PHF19: variants seen among roughly 807,000 people sequenced by gnomAD.
PHF19 encodes PHD finger protein 19.
In PHF19, 21 loss-of-function variants were observed where a neutral mutation model predicts 79.8. That is an observed-to-expected ratio of 0.26 (90% CI 0.19 to 0.38). PHF19 has a LOEUF of 0.38. Among genes scored for constraint, PHF19 ranks in the 10% least tolerant of loss-of-function variants. The pLI is 1.00. For missense variants in PHF19, 445 were observed against 744.2 expected (o/e 0.60, Z 4.68); for synonymous variants, 273 against 296.3 (o/e 0.92, Z 0.81).
rs1171307262 is a variant in PHF19, at chr9:120,857,997, G to A, written c.1690C>T (p.Pro564Ser). The change falls in exon 15 of 15, where the codon CCT (proline) becomes TCT (serine). Residue 564 changes from proline to serine, a missense_variant. Transcript: ENST00000373896. ...KYQVLARRVT[P>S]EGKVQYLVEW... is the part of the protein sequence containing the mutation. Reference sequence around the variant, plus strand: ...ACCAGGTACTGAACCTTGCCCTCAGGTGTGACCCTCCGAGCCAACACCTGG... The same window carrying A: ...ACCAGGTACTGAACCTTGCCCTCAGATGTGACCCTCCGAGCCAACACCTGG... The A allele has an allele frequency of 6.2e-7, 1 of 1,613,776 alleles. No homozygotes were observed. Among genetic ancestry groups the A allele is most frequent in the East Asian group, 2.2e-5 (1 of 44,900 alleles).
chr9:120,864,030 C>A lies in PHF19; in HGVS notation c.968+19G>T. ...CCTGTAGAGGGCCCCACCACACTCC[C>A]TCCCCTCCCTGCACGCACCGGCTTT... On this transcript the variant is annotated intron_variant, in intron 10 of 14. Transcript: ENST00000373896. 6.2e-7 allele frequency: 1 copy of A among 1,607,446 alleles called. No homozygotes were observed. Among genetic ancestry groups the A allele is most frequent in the Non-Finnish European group, 8.5e-7 (1 of 1,175,274 alleles).
chr9:120,894,701 A>C (rs901714879), intron 1 of PHF19: 7 of 528,094 alleles, frequency 1.3e-5, no homozygotes, highest in African/African-American at 1.0e-4. Context: ...TGCGTTCCAT[A>C]TGGCGGCGGC....
At chr9:120,902,226 C>T in the PHF19 span, among the ~76,000 whole-genome samples, 2 of 152,114 alleles carry the variant, frequency 1.3e-5, no homozygotes, top group Non-Finnish European at 2.9e-5. Context: ...TTATCACTTA[C>T]GGGGGTGAGA....
upstream of PHF19, among the ~76,000 whole-genome samples, chr9:120,880,249 C>T (rs1262968177): frequency 1.3e-5 from 2 of 152,230 alleles, no homozygotes; most frequent in East Asian, 3.8e-4. Context: ...AATCCCAGCA[C>T]TTTGGGAGGC....
At chr9:120,900,424 A>T in the PHF19 span, among the ~76,000 whole-genome samples, 1 of 152,240 alleles carries the variant, frequency 6.6e-6, no homozygotes, top group Non-Finnish European at 1.5e-5. Context: ...TTAAAAGTCA[A>T]TCTACATGTA....
At position 120,891,072 on chromosome 9, in the gene PHF19, T is replaced by G. The variant is rs539299246; in HGVS notation, c.42+3716A>C. ...TTTTCCTTCCCCTTCGTCATGTGGCTGGATGGTCCTTATTCCCAAAACTCA... is the reference window on the plus strand; with the variant it reads ...TTTTCCTTCCCCTTCGTCATGTGGCGGGATGGTCCTTATTCCCAAAACTCA... On this transcript the variant is annotated intron_variant, in intron 1 of 14. Coordinates refer to the PHF19 transcript ENST00000616568. This position sits in a 1 kb window ranked among gnomAD's most constrained non-coding sequence, Gnocchi z 4.3. 4.6e-5 allele frequency among the ~76,000 whole-genome samples: 7 copies of G among 152,294 alleles called. No individual in the cohort carries two copies. The South Asian group carries it at 1.5e-3, about 32-fold the overall frequency.
Position 120,862,133 on chromosome 9 carries a change from C to T in PHF19, c.1131-128G>A. 2 of 741,036 alleles carry T rather than the reference C, an allele frequency of 2.7e-6. No individual in the cohort carries two copies. Among genetic ancestry groups the T allele is most frequent in the Non-Finnish European group, 4.9e-6 (2 of 408,064 alleles). 45.9% of individuals were successfully genotyped at this position (741,036 alleles called of 1,614,324 possible). A position where few individuals can be genotyped will look rare whatever the true frequency, so the allele number is the denominator to read the frequency against. ...AGACAGGCTCTGAACACAGCTGCAC[C>T]TTCACAGGGAGGCCTGGGGAGGAGG... is the stretch of plus-strand genomic sequence containing the variant. On this transcript the variant is annotated intron_variant, in intron 11 of 14. Transcript: ENST00000373896. The surrounding 1 kb of genome is among the most constrained non-coding windows in gnomAD (Gnocchi z 4.6).
In PHF19 at chr9:120,871,259, G is replaced by A. The variant is rs570789705; in HGVS notation, c.269-721C>T. Among the ~76,000 whole-genome samples, 21 of 152,196 alleles carry A rather than the reference G, an allele frequency of 1.4e-4. No homozygotes were observed. The South Asian group carries it at 3.3e-3, about 24-fold the overall frequency. On this transcript the variant is annotated intron_variant, in intron 3 of 14. Coordinates refer to ENST00000373896, the MANE Select transcript of PHF19 (RefSeq NM_015651.3). ...CACTTATGAACTCATGGCCAATCTC[G>A]TTTCTACTATATTCCCACCTACTTC...
chr9:120,864,503 A>G (rs2045636554), intron 9 of PHF19, among the ~76,000 whole-genome samples: 1 of 152,234 alleles, frequency 6.6e-6, no homozygotes. Flanking sequence ...CCCAACAGGA[A>G]GGAAACAAGT....
rs2045353713 is a variant in PHF19 at position 120,855,982 on chromosome 9, G to A, written c.*1962C>T. 1.3e-5 allele frequency: 2 copies of A among 152,686 alleles called. No homozygotes were observed. Among genetic ancestry groups the A allele is most frequent in the South Asian group, 4.1e-4 (2 of 4,834 alleles). 9.5% of individuals were successfully genotyped at this position (152,686 alleles called of 1,614,324 possible). Reference sequence around the variant, plus strand: ...GGATTGCTCATCCCAGGCTATCTCAGAAGTCTGGAAAGCAGGCCTAGAAGG... The same window carrying A: ...GGATTGCTCATCCCAGGCTATCTCAAAAGTCTGGAAAGCAGGCCTAGAAGG... On this transcript the variant is annotated 3_prime_UTR_variant, in exon 15 of 15. Transcript: ENST00000373896.
At chr9:120,872,519 T>C (rs1481974068) in intron 3 of PHF19, among the ~76,000 whole-genome samples, 1 of 152,194 alleles carries the variant, frequency 6.6e-6, no homozygotes, top group Non-Finnish European at 1.5e-5. Context: ...GATATTTATA[T>C]AATACTATTT....
Position 120,862,077 on chromosome 9 carries a change from G to A in PHF19, c.1131-72C>T. The A allele has an allele frequency of 2.8e-6, 3 of 1,076,456 alleles. No homozygotes were observed. Among genetic ancestry groups the A allele is most frequent in the Non-Finnish European group, 4.3e-6 (3 of 690,668 alleles). The allele number at this position is 1,076,456 out of a possible 1,614,324, so 66.7% of individuals were successfully genotyped here. On this transcript the variant is annotated intron_variant, in intron 11 of 14. Coordinates refer to ENST00000373896, the MANE Select transcript of PHF19 (RefSeq NM_015651.3). The surrounding 1 kb of genome is among the most constrained non-coding windows in gnomAD (Gnocchi z 4.6). ...GCCCTAGGGTGGCCCAGAGGGAGGC[G>A]CCGCAGGGGCGGGGGTCACAGCAGT...
chr9:120,862,694 G>T lies in PHF19; in HGVS notation c.1024C>A (p.Arg342Ser). Residue 342 changes from arginine to serine, a missense_variant, in exon 11 of 15, where the codon CGC becomes AGC. By Grantham distance (110) the Arg-to-Ser change is moderately radical. Coordinates refer to ENST00000373896, the MANE Select transcript of PHF19 (RefSeq NM_015651.3). The surrounding 1 kb of genome is among the most constrained non-coding windows in gnomAD (Gnocchi z 4.6). ...TTCCCTGGCGGGTTGGGTGGGACGC[G>T]GATGCGCAGGCGGAAGATGCACTTC... Reference protein sequence around the residue: ...KKKCIFRLRIRVPPNPPGKLL... With the variant: ...KKKCIFRLRISVPPNPPGKLL... 6.2e-7 allele frequency: 1 copy of T among 1,614,182 alleles called. No individual in the cohort carries two copies. Among genetic ancestry groups the T allele is most frequent in the Non-Finnish European group, 8.5e-7 (1 of 1,180,000 alleles).
intron 10 of PHF19, 50 bp downstream of exon 10, chr9:120,863,999 A>G (rs758348053): frequency 3.6e-6 from 5 of 1,402,468 alleles, no homozygotes; most frequent in East Asian, 4.7e-5. Context: ...GTAGGAAGGA[A>G]TCTCACCTGT....
At chr9:120,863,136 C>T (rs557091939) in intron 10 of PHF19, 20 of 193,684 alleles carry the variant, frequency 1.0e-4, no homozygotes, top group Non-Finnish European at 2.0e-4. Context: ...AAAGCAACAC[C>T]GGCTGGGCTC....
At chr9:120,897,121 C>T (rs1320185153), upstream of PHF19, among the ~76,000 whole-genome samples, 1 of 152,220 alleles carries the variant, frequency 6.6e-6, no homozygotes, top group African/African-American at 2.4e-5. Context: ...ATGTACTTGC[C>T]AGGGATATTG....
intron 1 of PHF19, among the ~76,000 whole-genome samples, chr9:120,894,476 A>C (rs936188397): frequency 6.6e-6 from 1 of 152,152 alleles, no homozygotes; most frequent in African/African-American, 2.4e-5. Context: ...GCCATCCCGG[A>C]GGTACCTCCC....
Position 120,858,076 on chromosome 9 carries a change from T to A in PHF19, c.1611A>T (p.Ser537=). 1 of 1,614,200 alleles carries A rather than the reference T, an allele frequency of 6.2e-7. No individual in the cohort carries two copies. The highest frequency in any genetic ancestry group is 1.1e-5 in the South Asian group (1 of 91,082). Residue 537 remains serine (S), a synonymous_variant, in exon 15 of 15, where the codon TCA becomes TCT. Coordinates refer to ENST00000373896, the MANE Select transcript of PHF19 (RefSeq NM_015651.3). ...EDDSSLSHLK[S]SITNYFGAAG... ...CTGCACCAAAGTAGTTGGTGATAGA[T>A]GACTTGAGGTGGGACAGGGATGAGT... is the stretch of plus-strand genomic sequence containing the variant.
Position 120,858,811 on chromosome 9 carries a change from T to TCTCACACACA in PHF19, c.1401-526_1401-525insTGTGTGTGAG, listed in dbSNP as rs764897588. ...GCCTGGATGGAGAGACTGACAGACATCACACACACACACACACACACACAC... is the reference window on the plus strand; with the variant it reads ...GCCTGGATGGAGAGACTGACAGACATCTCACACACACACACACACACACACACACACACAC... On this transcript the variant is annotated intron_variant, in intron 14 of 14. Transcript: ENST00000373896. 1.2e-3 allele frequency among the ~76,000 whole-genome samples: 147 copies of TCTCACACACA among 122,890 alleles called. 1 individual carries two copies. The highest frequency in any genetic ancestry group is 4.4e-3 in the African/African-American group (144 of 32,874). The allele number at this position is 122,890 out of a possible 152,430, so 80.6% of individuals were successfully genotyped here. A position where few individuals can be genotyped will look rare whatever the true frequency, so the allele number is the denominator to read the frequency against.
Sources: gnomAD v4.1 joint callset for allele counts (sites outside exome capture counted in the v4.1 genomes callset) on GRCh38, gnomAD v4.1.1 for gene constraint, Gnocchi (gnomAD v3.1) non-coding constraint, MANE v1.5 for transcripts, NCBI Gene and HGNC (gene_info 2026-07-23, HGNC 2026-07-21) for gene names.